The following RIMS1 variants were observed in gnomAD, a reference collection of about 807,000 sequenced individuals.
RIMS1 encodes the protein regulating synaptic membrane exocytosis 1.
Under a neutral mutation model 214.1 loss-of-function variants are expected in RIMS1, and 83 were observed. The ratio of observed to expected loss-of-function variants is 0.39; its 90% CI spans 0.32 to 0.47. The LOEUF (loss-of-function observed/expected upper bound fraction) is 0.47, where lower values mean the gene tolerates loss of function less well. Among genes scored for constraint, RIMS1 ranks in the 20% least tolerant of loss-of-function variants. The pLI is 0.99. For synonymous variants in RIMS1, 793 were observed against 786.8 expected (o/e 1.01, Z -0.13); for missense variants, 2,050 against 2,161.8 (o/e 0.95, Z 1.03).
At chr6:72,287,447 T>C (rs2092547125) in intron 24 of RIMS1, among the ~76,000 whole-genome samples, 1 of 152,176 alleles carries the variant, frequency 6.6e-6, no homozygotes, top group South Asian at 2.1e-4. Flanking sequence ...AGAAGTATGT[T>C]TTACTTAAGT....
intron 29 of RIMS1, among the ~76,000 whole-genome samples, chr6:72,368,406 A>T (rs1452621667): frequency 7.0e-6 from 1 of 142,556 alleles, no homozygotes; most frequent in East Asian, 2.1e-4. Flanking sequence ...GGTTCACGCC[A>T]TTCTCCTGCC....
At chr6:72,170,054 C>T (rs1352122641) in intron 4 of RIMS1, among the ~76,000 whole-genome samples, 4 of 152,206 alleles carry the variant, frequency 2.6e-5, no homozygotes, top group Admixed American at 1.3e-4. Context: ...ATATCTTATA[C>T]GACCTGAACC....
chr6:71,976,692 C>T (rs1046616538), intron 2 of RIMS1, among the ~76,000 whole-genome samples: 1 of 152,028 alleles, frequency 6.6e-6, no homozygotes, highest in Non-Finnish European at 1.5e-5. Flanking sequence ...AGATTTCCCC[C>T]TGTGTTTTCT....
intron 29 of RIMS1, among the ~76,000 whole-genome samples, chr6:72,345,855 A>G (rs56202328): frequency 0.19 from 28,899 of 151,600 alleles, 3,457 homozygotes; most frequent in South Asian, 0.27. Context: ...CCATTTACTA[A>G]GAGGGTGGTT....
At chr6:71,909,715 G>A (rs978754649) in intron 1 of RIMS1, among the ~76,000 whole-genome samples, 1 of 152,092 alleles carries the variant, frequency 6.6e-6, no homozygotes, top group Admixed American at 6.6e-5. Flanking sequence ...TATTTTTTAT[G>A]TATATGTCAG....
intron 16 of RIMS1, among the ~76,000 whole-genome samples, chr6:72,257,849 CCAACT>C (rs1182377400): frequency 6.6e-6 from 1 of 152,060 alleles, no homozygotes; most frequent in Non-Finnish European, 1.5e-5. Flanking sequence ...AAACAGTATC[CCAACT>C]CATCGTAATG....
At chr6:71,981,899 G>A (rs755115522) in intron 2 of RIMS1, among the ~76,000 whole-genome samples, 1 of 151,380 alleles carries the variant, frequency 6.6e-6, no homozygotes, top group Non-Finnish European at 1.5e-5. Context: ...GTACTATAAT[G>A]CATACTACTA....
At chr6:72,243,218 A>G (rs9293872) in intron 10 of RIMS1, among the ~76,000 whole-genome samples, 94,818 of 151,524 alleles carry the variant, frequency 0.63, 30,137 homozygotes, top group East Asian at 0.98. Flanking sequence ...TAATACAGCC[A>G]TTATTTCAAG....
At chr6:71,936,585 AAAT>A (rs1461929953) in intron 1 of RIMS1, among the ~76,000 whole-genome samples, 3 of 152,176 alleles carry the variant, frequency 2.0e-5, no homozygotes, top group Non-Finnish European at 4.4e-5. Context: ...TTGAGAAAGA[AAAT>A]AAAGCTTCCT....
At chr6:72,327,950 A>G (rs1306560526) in intron 28 of RIMS1, among the ~76,000 whole-genome samples, 1 of 151,848 alleles carries the variant, frequency 6.6e-6, no homozygotes, top group Non-Finnish European at 1.5e-5. Flanking sequence ...CAGATCAATC[A>G]GAACAGAAGT....
In RIMS1 at chr6:71,886,801, A is replaced by G. The variant is rs1173267186; in HGVS notation, c.-223A>G. 3.5e-6 allele frequency: 2 copies of G among 566,712 alleles called. No homozygotes were observed. The highest frequency in any genetic ancestry group is 6.1e-5 in the East Asian group (2 of 32,776). 35.1% of individuals were successfully genotyped at this position (566,712 alleles called of 1,614,324 possible). A position where few individuals can be genotyped will look rare whatever the true frequency, so the allele number is the denominator to read the frequency against. ...GAGCTTCGCTAGGGCGACCAAAACA[A>G]AGGCAGCATCCGGGGCTGGGTGGAT... On this transcript the variant is annotated 5_prime_UTR_variant, in exon 1 of 34. Coordinates refer to ENST00000521978, the MANE Select transcript of RIMS1 (RefSeq NM_014989.7).
At chr6:72,170,852 A>G (rs959850389) in intron 4 of RIMS1, among the ~76,000 whole-genome samples, 1 of 152,220 alleles carries the variant, frequency 6.6e-6, no homozygotes, top group Non-Finnish European at 1.5e-5. Flanking sequence ...TAGTTTGAAG[A>G]CACATCAGCA....
At chr6:72,217,184 CTGTTA>C (rs1279802268) in intron 6 of RIMS1, 1 of 1,536,756 alleles carries the variant, frequency 6.5e-7, no homozygotes, top group Admixed American at 2.0e-5. Context: ...TCCGATGCTG[CTGTTA>C]TGTTTGCTGG....
At chr6:72,325,602 G>C (rs531145909) in intron 28 of RIMS1, among the ~76,000 whole-genome samples, 1 of 151,586 alleles carries the variant, frequency 6.6e-6, no homozygotes, top group Non-Finnish European at 1.5e-5. Flanking sequence ...ATGTAATATA[G>C]TCAGAAATAT....
At chr6:72,230,570 ATC>A (rs2061629356) in intron 6 of RIMS1, among the ~76,000 whole-genome samples, 1 of 151,556 alleles carries the variant, frequency 6.6e-6, no homozygotes, top group Non-Finnish European at 1.5e-5. Flanking sequence ...TCTTATTGAA[ATC>A]CATTGCGCTT....
chr6:72,160,140 T>G (rs1163980608), intron 4 of RIMS1, among the ~76,000 whole-genome samples: 1 of 134,018 alleles, frequency 7.5e-6, no homozygotes, highest in Non-Finnish European at 1.7e-5. Flanking sequence ...TTATTCTCTT[T>G]GAAGGAATTG....
At chr6:72,217,101 A>G (rs2056439270) in intron 6 of RIMS1, 1 of 1,514,426 alleles carries the variant, frequency 6.6e-7, no homozygotes. Context: ...GGATTTTTTA[A>G]TTGTGTTGTG....
intron 29 of RIMS1, among the ~76,000 whole-genome samples, chr6:72,356,840 T>C (rs1334529842): frequency 6.6e-6 from 1 of 152,150 alleles, no homozygotes; most frequent in Non-Finnish European, 1.5e-5. Context: ...ATGTTTACTA[T>C]AAAAAATTTT....
chr6:72,027,720 A>G (rs1302523880), intron 2 of RIMS1, among the ~76,000 whole-genome samples: 1 of 152,086 alleles, frequency 6.6e-6, no homozygotes, highest in African/African-American at 2.4e-5. Context: ...CTGAGACTGT[A>G]TCCCATGCTT....
Sources: gnomAD v4.1 joint callset for allele counts (sites outside exome capture counted in the v4.1 genomes callset) on GRCh38, gnomAD v4.1.1 for gene constraint, MANE v1.5 for transcripts, NCBI Gene and HGNC (gene_info 2026-07-23, HGNC 2026-07-21) for gene names.